The following AMOTL1 variants were observed in gnomAD, a reference collection of about 807,000 sequenced individuals.
The protein encoded by AMOTL1 is angiomotin like 1, also known as angiomotin-like protein 1.
A neutral mutation model predicts 102.9 loss-of-function variants in AMOTL1; 45 were observed. The ratio of observed to expected loss-of-function variants is 0.44; its 90% CI spans 0.34 to 0.56. The LOEUF is 0.56. Ranked by LOEUF, AMOTL1 falls within the 20% of genes least tolerant of loss-of-function variation. The pLI is 0.01. For synonymous variants in AMOTL1, 481 were observed against 484.7 expected, an observed-to-expected ratio of 0.99 and a Z score of 0.10; for missense variants, 1,114 against 1,225.6, an observed-to-expected ratio of 0.91 and a Z score of 1.36.
chr11:94,782,407 A>G (rs1450352505), intron 1 of AMOTL1, among the ~76,000 whole-genome samples: 1 of 152,184 alleles, frequency 6.6e-6, no homozygotes, highest in African/African-American at 2.4e-5. Flanking sequence ...TCCATGGTAT[A>G]TTAACAAATG....
intron 1 of AMOTL1, among the ~76,000 whole-genome samples, chr11:94,786,508 C>T (rs1167032042): frequency 1.3e-5 from 2 of 152,200 alleles, no homozygotes; most frequent in South Asian, 2.1e-4. Context: ...GAGGGGAGCA[C>T]GCCTTTCTCT....
chr11:94,844,769 A>G (rs1305086637), intron 6 of AMOTL1, among the ~76,000 whole-genome samples: 1 of 152,200 alleles, frequency 6.6e-6, no homozygotes, highest in Non-Finnish European at 1.5e-5. Flanking sequence ...TACTGTTACA[A>G]TGAGGATTAA....
intron 3 of AMOTL1, among the ~76,000 whole-genome samples, chr11:94,804,199 A>G (rs759390538): frequency 8.5e-5 from 13 of 152,242 alleles, no homozygotes; most frequent in Non-Finnish European, 1.3e-4. Context: ...AAAACCTTGT[A>G]AAAATATTAC....
At chr11:94,788,596 C>T (rs1171126244) in intron 1 of AMOTL1, among the ~76,000 whole-genome samples, 1 of 152,142 alleles carries the variant, frequency 6.6e-6, no homozygotes, top group Non-Finnish European at 1.5e-5. Context: ...CATGGAACTC[C>T]AAAGCAGTAT....
rs917436338 is a variant in AMOTL1, at chr11:94,862,532, G to A, written c.2136-2203G>A. Reference sequence around the variant, plus strand: ...TTTCCCATCTTTATGCATCTTGATGGTGTTGGTCAGAATTTTTAGAGAGTC... The same window carrying A: ...TTTCCCATCTTTATGCATCTTGATGATGTTGGTCAGAATTTTTAGAGAGTC... On this transcript the variant is annotated intron_variant, in intron 9 of 12. Coordinates refer to ENST00000433060, the MANE Select transcript of AMOTL1 (RefSeq NM_130847.3). 3.3e-5 allele frequency among the ~76,000 whole-genome samples: 5 copies of A among 152,174 alleles called. No individual in the cohort carries two copies. The South Asian group carries it at 6.2e-4, about 19-fold the overall frequency.
At chr11:94,747,083 A>AT (rs1338632270) in intron 3 of AMOTL1, among the ~76,000 whole-genome samples, 3 of 151,758 alleles carry the variant, frequency 2.0e-5, no homozygotes, top group East Asian at 1.9e-4. Flanking sequence ...TATCCAGCTT[A>AT]TTTTTTATCT....
chr11:94,728,447 G>A (rs186428308), intron 1 of AMOTL1, among the ~76,000 whole-genome samples: 1 of 152,184 alleles, frequency 6.6e-6, no homozygotes, highest in East Asian at 1.9e-4. Flanking sequence ...GATTACAAAA[G>A]CAATACATGT....
At chr11:94,771,074 A>T (rs1238162430) in intron 1 of AMOTL1, among the ~76,000 whole-genome samples, 1 of 152,202 alleles carries the variant, frequency 6.6e-6, no homozygotes, top group Non-Finnish European at 1.5e-5. Flanking sequence ...GAAAATGATA[A>T]AACAAAGACT....
At chr11:94,840,553 C>A (rs1265319426) in intron 6 of AMOTL1, among the ~76,000 whole-genome samples, 1 of 151,322 alleles carries the variant, frequency 6.6e-6, no homozygotes, top group Non-Finnish European at 1.5e-5. Context: ...GCATAAACAA[C>A]TTTTTCCGCC....
rs529007240 is a variant in AMOTL1 at position 94,869,632 on chromosome 11, T to A, written c.2764+159T>A. 4.5e-4 allele frequency among the ~76,000 whole-genome samples: 68 copies of A among 152,356 alleles called. 1 individual carries two copies. The South Asian group carries it at 0.014, about 31-fold the overall frequency. ...CTTAGGATATGTGTGCCCTTTCTTATTACGGGAATAAATATGCATATAGAC... is the reference window on the plus strand; with the variant it reads ...CTTAGGATATGTGTGCCCTTTCTTAATACGGGAATAAATATGCATATAGAC... On this transcript the variant is annotated intron_variant, in intron 12 of 12. Coordinates refer to ENST00000433060, the MANE Select transcript of AMOTL1 (RefSeq NM_130847.3).
chr11:94,874,353 G>A lies in AMOTL1; in HGVS notation c.*3558G>A, dbSNP rs557248802. The A allele has an allele frequency of 1.3e-5, 2 of 152,384 alleles. No individual in the cohort carries two copies. The highest frequency in any genetic ancestry group is 4.1e-4 in the South Asian group (2 of 4,832). The allele number at this position is 152,384 out of a possible 1,614,324, so 9.4% of individuals were successfully genotyped here. A position where few individuals can be genotyped will look rare whatever the true frequency, so the allele number is the denominator to read the frequency against. On this transcript the variant is annotated 3_prime_UTR_variant, in exon 13 of 13. Transcript: ENST00000433060. The stretch of plus-strand genomic sequence containing the variant: ...GGCTGGCAGCCAGTGACACTGCAGA[G>A]TTCAGCATGTTCTAACCATGCACGC...
In AMOTL1 at chr11:94,869,445, A is replaced by C. The variant is rs201020038; in HGVS notation, c.2736A>C (p.Pro912=). 2 of 1,603,158 alleles carry C rather than the reference A, an allele frequency of 1.2e-6. No individual in the cohort carries two copies. The highest frequency in any genetic ancestry group is 2.7e-5 in the African/African-American group (2 of 74,774). Residue 912 remains proline, a synonymous_variant, in exon 12 of 13, where the codon CCA becomes CCC. Transcript: ENST00000433060. ...TPAHSPVLKH[P]AAKGTAEKLE... is the part of the protein sequence containing the mutation. ...CTCACAGCCCCGTCCTGAAACACCC[A>C]GCGGCCAAAGGGACCGCAGAGAAAC...
At chr11:94,814,129 T>A (rs1951727119) in intron 3 of AMOTL1, among the ~76,000 whole-genome samples, 1 of 152,204 alleles carries the variant, frequency 6.6e-6, no homozygotes, top group South Asian at 2.1e-4. Context: ...TGGGAGCTTA[T>A]CTTCTCCATC....
chr11:94,869,123 A>C, intron 11 of AMOTL1, 75 bp from the exon 12 acceptor site: 4 of 1,430,962 alleles, frequency 2.8e-6, no homozygotes, highest in Non-Finnish European at 3.7e-6. Flanking sequence ...TCAACAAGGA[A>C]CAGATCTGCA....
chr11:94,728,921 G>A, exon 2 of AMOTL1: 1 of 1,186,458 alleles, frequency 8.4e-7, no homozygotes, highest in Non-Finnish European at 1.1e-6. Context: ...TTTATTTCAG[G>A]AGATTGCTTC....
chr11:94,777,863 A>C (rs1046050804), intron 1 of AMOTL1, among the ~76,000 whole-genome samples: 1 of 152,226 alleles, frequency 6.6e-6, no homozygotes, highest in Admixed American at 6.5e-5. Flanking sequence ...TGTACAAGTC[A>C]ATACTGAGGT....
At chr11:94,757,972 G>T (rs1337128157) in intron 3 of AMOTL1, among the ~76,000 whole-genome samples, 1 of 152,184 alleles carries the variant, frequency 6.6e-6, no homozygotes, top group African/African-American at 2.4e-5. Context: ...TAAGACAGGA[G>T]AATAACTTGA....
chr11:94,739,004 G>T (rs1359922619), intron 2 of AMOTL1, among the ~76,000 whole-genome samples: 1 of 152,154 alleles, frequency 6.6e-6, no homozygotes, highest in Non-Finnish European at 1.5e-5. Flanking sequence ...AGAAAAATAA[G>T]AATAATCACA....
At chr11:94,765,009 T>G (rs968794301), upstream of AMOTL1, among the ~76,000 whole-genome samples, 4 of 152,222 alleles carry the variant, frequency 2.6e-5, no homozygotes, top group Non-Finnish European at 5.9e-5. Context: ...TCTATCCAGA[T>G]GCCTCTGTTA....
Sources: allele counts gnomAD v4.1 joint callset (sites outside exome capture counted in the v4.1 genomes callset), GRCh38; gene constraint gnomAD v4.1.1; transcripts MANE v1.5; gene names NCBI Gene and HGNC (gene_info 2026-07-23, HGNC 2026-07-21).